KHDRBS2: variants seen among roughly 807,000 people sequenced by gnomAD.
KHDRBS2 encodes the protein KH domain-containing, RNA-binding, signal transduction-associated protein 2.
In KHDRBS2, 26 loss-of-function variants were observed where a neutral mutation model predicts 44.3. The ratio of observed to expected loss-of-function variants is 0.59; its 90% confidence interval spans 0.43 to 0.81. KHDRBS2 has a LOEUF of 0.81. KHDRBS2 is among the 40% of genes least tolerant of loss of function. KHDRBS2 has a pLI of 0.00. For synonymous variants in KHDRBS2, 194 were observed against 151.1 expected (o/e 1.28, Z -2.08); for missense variants, 476 against 433.1 (o/e 1.10, Z -0.88).
At chr6:62,241,217 T>C (rs571328371) in intron 1 of KHDRBS2, among the ~76,000 whole-genome samples, 6 of 152,302 alleles carry the variant, frequency 3.9e-5, no homozygotes, top group African/African-American at 9.6e-5. Flanking sequence ...CTTAGTATAT[T>C]TGTGGTAACT....
the KHDRBS2 span, among the ~76,000 whole-genome samples, chr6:61,588,938 C>T: frequency 6.6e-6 from 1 of 152,080 alleles, no homozygotes; most frequent in African/African-American, 2.4e-5. Context: ...AGCTGGAAAC[C>T]ATCATCCTCA....
At chr6:61,709,444 T>A (rs762066563) in intron 7 of KHDRBS2, among the ~76,000 whole-genome samples, 1 of 151,598 alleles carries the variant, frequency 6.6e-6, no homozygotes, top group East Asian at 1.9e-4. Flanking sequence ...TTTTGCCTCA[T>A]TTGAGGCAAC....
chr6:62,089,856 G>C (rs1012540342), intron 2 of KHDRBS2, among the ~76,000 whole-genome samples: 1 of 152,026 alleles, frequency 6.6e-6, no homozygotes, highest in Non-Finnish European at 1.5e-5. Flanking sequence ...GTGTGTAAAG[G>C]CTGAATAAAG....
chr6:61,958,134 T>A (rs1033698007), intron 4 of KHDRBS2, among the ~76,000 whole-genome samples: 1 of 152,148 alleles, frequency 6.6e-6, no homozygotes, highest in African/African-American at 2.4e-5. Context: ...ATCAAAACCA[T>A]TTCCCTCTGT....
At chr6:61,697,118 AG>A in intron 8 of KHDRBS2, 76 bp downstream of exon 8, 1 of 966,260 alleles carries the variant, frequency 1.0e-6, no homozygotes. Flanking sequence ...AGGGGGAGAA[AG>A]ATGGAAATAA....
At chr6:62,223,326 G>C (rs1172175076) in intron 1 of KHDRBS2, among the ~76,000 whole-genome samples, 4 of 152,210 alleles carry the variant, frequency 2.6e-5, no homozygotes, top group African/African-American at 9.6e-5. Flanking sequence ...AGCTGGAGCA[G>C]CTAGGAAGCA....
chr6:61,734,646 T>C (rs1480451686), intron 6 of KHDRBS2, among the ~76,000 whole-genome samples: 2 of 152,142 alleles, frequency 1.3e-5, no homozygotes, highest in Non-Finnish European at 2.9e-5. Context: ...TACATAATTG[T>C]ATCCTCTTAT....
At chr6:62,205,254 C>A (rs1297395960) in intron 1 of KHDRBS2, among the ~76,000 whole-genome samples, 1 of 152,060 alleles carries the variant, frequency 6.6e-6, no homozygotes, top group Non-Finnish European at 1.5e-5. Context: ...GACCCAGGAG[C>A]TTTATGTATT....
At chr6:62,035,817 A>G (rs937845461) in intron 3 of KHDRBS2, among the ~76,000 whole-genome samples, 4 of 152,058 alleles carry the variant, frequency 2.6e-5, no homozygotes. Flanking sequence ...CTAAAAATGT[A>G]ACAGCGTGGC....
the KHDRBS2 span, among the ~76,000 whole-genome samples, chr6:61,609,608 A>G: frequency 6.6e-6 from 1 of 152,102 alleles, no homozygotes; most frequent in African/African-American, 2.4e-5. Context: ...CTATTCTACC[A>G]TTTTCTAAAA....
intron 4 of KHDRBS2, among the ~76,000 whole-genome samples, chr6:61,953,752 G>A (rs986939228): frequency 6.6e-6 from 1 of 152,116 alleles, no homozygotes; most frequent in African/African-American, 2.4e-5. Flanking sequence ...GAGAGAGATA[G>A]TGCCACGACC....
At chr6:62,065,559 C>A (rs1302644405) in intron 2 of KHDRBS2, among the ~76,000 whole-genome samples, 1 of 144,202 alleles carries the variant, frequency 6.9e-6, no homozygotes, top group Non-Finnish European at 1.5e-5. Context: ...CGCATATTCT[C>A]ACTCATAGGT....
chr6:62,129,747 G>C (rs1348768236), intron 2 of KHDRBS2, among the ~76,000 whole-genome samples: 1 of 151,834 alleles, frequency 6.6e-6, no homozygotes, highest in Non-Finnish European at 1.5e-5. Context: ...AGCCATATTT[G>C]ACATGCTCTA....
At chr6:62,139,478 G>A (rs1330392402) in intron 2 of KHDRBS2, among the ~76,000 whole-genome samples, 3 of 151,614 alleles carry the variant, frequency 2.0e-5, no homozygotes, top group Non-Finnish European at 4.4e-5. Context: ...GCGTGAACCC[G>A]GGAGGCGGAG....
At chr6:61,697,045 G>A (rs2127543900) in intron 8 of KHDRBS2, 150 bp downstream of exon 8, 1 of 680,898 alleles carries the variant, frequency 1.5e-6, no homozygotes, top group Non-Finnish European at 2.6e-6. Flanking sequence ...GGTACTAGCT[G>A]TGTAAGTCAA....
At chr6:61,815,188 C>A (rs1271139083) in intron 6 of KHDRBS2, among the ~76,000 whole-genome samples, 1 of 151,610 alleles carries the variant, frequency 6.6e-6, no homozygotes, top group South Asian at 2.1e-4. Flanking sequence ...ATGTTTTTTC[C>A]TTTACAGTAG....
intron 2 of KHDRBS2, among the ~76,000 whole-genome samples, chr6:62,161,582 G>C (rs957622614): frequency 8.0e-6 from 1 of 124,522 alleles, no homozygotes; most frequent in Admixed American, 8.0e-5. Flanking sequence ...GCGGGGGGGG[G>C]GGGGGTCCCA....
At chr6:61,730,031 C>G (rs572338586) in intron 7 of KHDRBS2, among the ~76,000 whole-genome samples, 1 of 152,128 alleles carries the variant, frequency 6.6e-6, no homozygotes, top group South Asian at 2.1e-4. Context: ...GTATCTATTT[C>G]TATTAGAAAT....
chr6:61,802,436 A>G (rs180989847), intron 6 of KHDRBS2, among the ~76,000 whole-genome samples: 130 of 152,330 alleles, frequency 8.5e-4, no homozygotes, highest in African/African-American at 3.1e-3. Context: ...GCTCATATTT[A>G]CCATACATCA....
Sources: gnomAD v4.1 joint callset for allele counts (sites outside exome capture counted in the v4.1 genomes callset) on GRCh38, gnomAD v4.1.1 for gene constraint, MANE v1.5 for transcripts, NCBI Gene and HGNC (gene_info 2026-07-23, HGNC 2026-07-21) for gene names.